Variants in UNC13B observed in about 807,000 individuals in gnomAD.
The protein encoded by UNC13B is unc-13 homolog B.
A neutral mutation model predicts 211.0 loss-of-function variants in UNC13B; 144 were observed. That is an observed-to-expected ratio of 0.68 (90% CI 0.60 to 0.78). UNC13B has a LOEUF of 0.78. Ranked by LOEUF, UNC13B falls within the 30% of genes least tolerant of loss-of-function variation. UNC13B has a pLI of 0.00. For synonymous variants in UNC13B, 709 were observed against 725.8 expected, an observed-to-expected ratio of 0.98 and a Z score of 0.37; for missense variants, 1,777 against 2,002.0, an observed-to-expected ratio of 0.89 and a Z score of 2.14.
intron 1 of UNC13B, among the ~76,000 whole-genome samples, chr9:35,220,991 C>T (rs565151449): frequency 6.6e-6 from 1 of 152,224 alleles, no homozygotes; most frequent in East Asian, 1.9e-4. Flanking sequence ...TTTTGATTTG[C>T]ATTTTGCTGA....
intron 11 of UNC13B, among the ~76,000 whole-genome samples, chr9:35,338,736 C>T (rs570542466): frequency 1.3e-5 from 2 of 152,322 alleles, no homozygotes; most frequent in South Asian, 4.1e-4. Flanking sequence ...TTGTACTCTG[C>T]GTCTGTGTTG....
At chr9:35,317,412 A>C (rs931027347) in intron 11 of UNC13B, among the ~76,000 whole-genome samples, 4 of 151,798 alleles carry the variant, frequency 2.6e-5, no homozygotes, top group Admixed American at 6.6e-5. Context: ...TGTGTTGCCC[A>C]GGCTGGTCTT....
At chr9:35,400,225 C>A in intron 36 of UNC13B, 71 bp from the exon 37 acceptor site, 1 of 1,575,966 alleles carries the variant, frequency 6.3e-7, no homozygotes, top group Non-Finnish European at 8.6e-7. Context: ...TCTTGCTTCT[C>A]TGAGGACAAT....
intron 6 of UNC13B, among the ~76,000 whole-genome samples, chr9:35,257,331 T>C (rs1826949378): frequency 1.4e-5 from 1 of 69,288 alleles, no homozygotes; most frequent in Non-Finnish European, 2.7e-5. Flanking sequence ...ATAAAAATAT[T>C]TATATAAATA....
chr9:35,220,790 G>A (rs1406751769), intron 1 of UNC13B, among the ~76,000 whole-genome samples: 1 of 152,098 alleles, frequency 6.6e-6, no homozygotes, highest in East Asian at 1.9e-4. Flanking sequence ...TGGGATTGCA[G>A]GATCATATCG....
At chr9:35,165,939 C>T (rs1006270824) in intron 1 of UNC13B, among the ~76,000 whole-genome samples, 6 of 152,078 alleles carry the variant, frequency 3.9e-5, no homozygotes, top group Admixed American at 2.6e-4. Context: ...TTGGTATTCA[C>T]GACCAAGTTT....
At chr9:35,330,537 A>G (rs780004196) in intron 11 of UNC13B, among the ~76,000 whole-genome samples, 71 of 152,340 alleles carry the variant, frequency 4.7e-4, no homozygotes, top group Middle Eastern at 3.4e-3. Flanking sequence ...GCTATTTGGT[A>G]TGTTAGTGCT....
rs1358062524 is a variant in UNC13B at position 35,403,227 on chromosome 9, C to T, written c.12545C>T (p.Pro4182Leu). 6.2e-7 allele frequency: 1 copy of T among 1,614,156 alleles called. No individual in the cohort carries two copies. Among genetic ancestry groups the T allele is most frequent in the Admixed American group, 1.7e-5 (1 of 60,024 alleles). ...VSIQVDLFTH[P>L]GTGEHKVTVK... ...ATTCAGGTGGACTTGTTTACACACC[C>T]TGGTACTGGGGAGCACAAGGTCACA... The change falls in exon 38 of 40, where the codon CCT becomes CTT. Residue 4182 changes from proline to leucine, a missense_variant. Coordinates refer to ENST00000635942, the MANE Select transcript of UNC13B (RefSeq NM_001371189.2).
intron 11 of UNC13B, chr9:35,353,826 A>G: frequency 8.2e-7 from 1 of 1,226,700 alleles, no homozygotes; most frequent in Non-Finnish European, 1.0e-6. Flanking sequence ...CTGAGTCACT[A>G]TTTAACAGGG....
chr9:35,342,478 A>G, intron 11 of UNC13B: 1 of 517,318 alleles, frequency 1.9e-6, no homozygotes, highest in Non-Finnish European at 2.5e-6. Context: ...GGGGGTCATT[A>G]TAATGAGTGA....
At chr9:35,390,791 G>T in intron 26 of UNC13B, 77 bp downstream of exon 26, 1 of 1,393,268 alleles carries the variant, frequency 7.2e-7, no homozygotes, top group Non-Finnish European at 9.9e-7. Context: ...TCCTCTTCTA[G>T]ACAACTACAA....
At chr9:35,290,054 ATTTC>A (rs1829013752) in intron 7 of UNC13B, among the ~76,000 whole-genome samples, 1 of 152,142 alleles carries the variant, frequency 6.6e-6, no homozygotes, top group African/African-American at 2.4e-5. Flanking sequence ...ATTTTTAATG[ATTTC>A]TTTATCACAA....
In UNC13B at chr9:35,202,557, G is replaced by T. The variant is rs1451650524; in HGVS notation, c.23-25458G>T. Among the ~76,000 whole-genome samples the T allele has an allele frequency of 2.0e-5, 3 of 152,052 alleles. No individual in the cohort carries two copies. In the East Asian group the frequency reaches 5.8e-4, roughly 29 times the overall value. Reference sequence around the variant, plus strand: ...CCTGTATTGGATGCATATATATTTAGGATAGTTAGCTCTTCTTGTTGAATT... The same window carrying T: ...CCTGTATTGGATGCATATATATTTATGATAGTTAGCTCTTCTTGTTGAATT... On this transcript the variant is annotated intron_variant, in intron 1 of 39. Transcript: ENST00000635942.
intron 10 of UNC13B, 72 bp from the exon 11 acceptor site, chr9:35,313,827 A>G: frequency 8.4e-7 from 1 of 1,187,506 alleles, no homozygotes; most frequent in South Asian, 1.2e-5. Flanking sequence ...GACATTTGGC[A>G]GTCTTGCCTT....
At chr9:35,282,895 A>C (rs1828586058) in intron 7 of UNC13B, among the ~76,000 whole-genome samples, 1 of 152,150 alleles carries the variant, frequency 6.6e-6, no homozygotes, top group East Asian at 1.9e-4. Flanking sequence ...CATTCCTATA[A>C]GTTTAGCTTA....
chr9:35,275,386 A>G (rs1214460295), intron 7 of UNC13B, among the ~76,000 whole-genome samples: 1 of 152,182 alleles, frequency 6.6e-6, no homozygotes, highest in African/African-American at 2.4e-5. Context: ...TACTTTGTAT[A>G]GGAGTTTTAA....
At chr9:35,325,859 T>G (rs1482173488) in intron 11 of UNC13B, among the ~76,000 whole-genome samples, 1 of 152,248 alleles carries the variant, frequency 6.6e-6, no homozygotes, top group Admixed American at 6.5e-5. Flanking sequence ...TTTATTTAGC[T>G]TAATGTTCTT....
At chr9:35,252,479 AT>A (rs1010418825) in intron 6 of UNC13B, among the ~76,000 whole-genome samples, 2 of 150,686 alleles carry the variant, frequency 1.3e-5, no homozygotes, top group Non-Finnish European at 3.0e-5. Context: ...TAATTTTTGT[AT>A]TTTTTTTATA....
At chr9:35,262,999 CT>C (rs546972152) in intron 7 of UNC13B, among the ~76,000 whole-genome samples, 2 of 152,036 alleles carry the variant, frequency 1.3e-5, no homozygotes, top group African/African-American at 2.4e-5. Context: ...TGATATTGAT[CT>C]TTTTTTATTT....
Sources: allele counts gnomAD v4.1 joint callset (sites outside exome capture counted in the v4.1 genomes callset), GRCh38; gene constraint gnomAD v4.1.1; transcripts MANE v1.5; gene names NCBI Gene and HGNC (gene_info 2026-07-23, HGNC 2026-07-21).